The following ERI3 variants were observed in gnomAD, a reference collection of about 807,000 sequenced individuals.
ERI3 encodes ERI1 exoribonuclease 3.
A neutral mutation model predicts 44.4 loss-of-function variants in ERI3; 18 were observed. The observed-to-expected ratio is 0.41, with a 90% CI of 0.28 to 0.60. The LOEUF (loss-of-function observed/expected upper bound fraction) is 0.60, where lower values mean the gene tolerates loss of function less well. ERI3 is among the 20% of genes least tolerant of loss of function. ERI3 has a pLI of 0.36. For missense variants in ERI3, 294 were observed against 435.5 expected, an observed-to-expected ratio of 0.68 and a Z score of 2.89; for synonymous variants, 183 against 164.8, an observed-to-expected ratio of 1.11 and a Z score of -0.84.
At chr1:44,261,076 T>A (rs1215682076) in intron 7 of ERI3, among the ~76,000 whole-genome samples, 2 of 152,220 alleles carry the variant, frequency 1.3e-5, no homozygotes, top group African/African-American at 4.8e-5. Flanking sequence ...TAGCCTGAAG[T>A]CTAGGTCCCC....
intron 2 of ERI3, among the ~76,000 whole-genome samples, chr1:44,344,300 T>G (rs949583910): frequency 6.6e-6 from 1 of 152,064 alleles, no homozygotes; most frequent in African/African-American, 2.4e-5. Flanking sequence ...AAAATCCATG[T>G]GCAATGTGGT....
At chr1:44,233,308 T>C (rs1644228213) in intron 8 of ERI3, among the ~76,000 whole-genome samples, 1 of 151,456 alleles carries the variant, frequency 6.6e-6, no homozygotes, top group African/African-American at 2.4e-5. Context: ...AACAATCTTA[T>C]CTCCTACTCC....
At chr1:44,225,217 T>C (rs1299836971) in intron 8 of ERI3, among the ~76,000 whole-genome samples, 2 of 152,126 alleles carry the variant, frequency 1.3e-5, no homozygotes, top group South Asian at 2.1e-4. Flanking sequence ...GAGCACAGCC[T>C]TGCACCCACA....
intron 6 of ERI3, among the ~76,000 whole-genome samples, chr1:44,299,059 AT>A (rs1645669320): frequency 6.6e-6 from 1 of 152,236 alleles, no homozygotes; most frequent in Non-Finnish European, 1.5e-5. Context: ...ACTTTCTGGG[AT>A]GATGAAAAAG....
At chr1:44,348,990 A>G (rs1175671102) in intron 2 of ERI3, among the ~76,000 whole-genome samples, 2 of 152,218 alleles carry the variant, frequency 1.3e-5, no homozygotes, top group Non-Finnish European at 2.9e-5. Context: ...CACTTTACAA[A>G]GATGTAAGGC....
intron 8 of ERI3, among the ~76,000 whole-genome samples, chr1:44,234,781 T>C (rs1644266091): frequency 6.6e-6 from 1 of 152,092 alleles, no homozygotes; most frequent in Non-Finnish European, 1.5e-5. Context: ...TTTCTTTCTG[T>C]TGCCCAGGCT....
chr1:44,260,078 G>A (rs1477494320), intron 7 of ERI3, among the ~76,000 whole-genome samples: 2 of 152,112 alleles, frequency 1.3e-5, no homozygotes, highest in Non-Finnish European at 2.9e-5. Flanking sequence ...AAGTACACAA[G>A]CATTCATTCA....
rs567614357 is a variant in ERI3, at chr1:44,288,139, C to T, written c.759-3232G>A. On this transcript the variant is annotated intron_variant, in intron 6 of 8. Coordinates refer to ENST00000372257, the MANE Select transcript of ERI3 (RefSeq NM_024066.3). ...GAAGACCTATCCCAGAGGGGCCACA[C>T]TGAGGACAGACCAGACAGTCAGGTT... Among the ~76,000 whole-genome samples, 227 of 99,200 alleles carry T rather than the reference C, an allele frequency of 2.3e-3. 4 individuals carry two copies. The highest frequency in any genetic ancestry group is 6.2e-3 in the African/African-American group (217 of 35,134). 65.1% of individuals were successfully genotyped at this position (99,200 alleles called of 152,430 possible).
chr1:44,323,563 C>G (rs1646246714), intron 3 of ERI3, among the ~76,000 whole-genome samples: 1 of 152,212 alleles, frequency 6.6e-6, no homozygotes, highest in Admixed American at 6.5e-5. Flanking sequence ...GGTGGCTCCT[C>G]TCTCTGAGAT....
At chr1:44,354,122 T>C in intron 1 of ERI3, 1 of 985,448 alleles carries the variant, frequency 1.0e-6, no homozygotes, top group Non-Finnish European at 1.2e-6. Flanking sequence ...AACTCTACAA[T>C]CAAAACTCAT....
At chr1:44,234,030 CT>C (rs1478338935) in intron 8 of ERI3, among the ~76,000 whole-genome samples, 2 of 152,160 alleles carry the variant, frequency 1.3e-5, no homozygotes, top group African/African-American at 4.8e-5. Context: ...CCCACTCTCA[CT>C]TTTCATGCAA....
Position 44,281,639 on chromosome 1 carries a change from C to T in ERI3, c.831+3196G>A, listed in dbSNP as rs190075769. 3.1e-3 allele frequency among the ~76,000 whole-genome samples: 444 copies of T among 141,700 alleles called. 3 individuals are homozygous for T. The highest frequency in any genetic ancestry group is 0.011 in the African/African-American group (416 of 38,034). 93.0% of individuals were successfully genotyped at this position (141,700 alleles called of 152,430 possible). ...ATATATAATATATATATTCATTTAT[C>T]GATGAAGAGATATATATATGTTTAC... On this transcript the variant is annotated intron_variant, in intron 7 of 8. Coordinates refer to ENST00000372257, the MANE Select transcript of ERI3 (RefSeq NM_024066.3).
At position 44,355,139 on chromosome 1, in the gene ERI3, C is replaced by T. The variant is rs1490310758; in HGVS notation, c.-113G>A. 8.1e-7 allele frequency: 1 copy of T among 1,227,268 alleles called. No homozygotes were observed. Among genetic ancestry groups the T allele is most frequent in the Non-Finnish European group, 1.0e-6 (1 of 980,668 alleles). The allele number at this position is 1,227,268 out of a possible 1,614,324, so 76.0% of individuals were successfully genotyped here. ...GCAGTTGGCGGCGGCGGGCGCGGCC[C>T]GCGCCGACTGCGGCGCCGGCCAGGC... is the stretch of plus-strand genomic sequence containing the variant. On this transcript the variant is annotated 5_prime_UTR_variant, in exon 1 of 9. Coordinates refer to ENST00000372257, the MANE Select transcript of ERI3 (RefSeq NM_024066.3).
At chr1:44,223,317 T>A (rs1346140465) in intron 8 of ERI3, among the ~76,000 whole-genome samples, 1 of 150,900 alleles carries the variant, frequency 6.6e-6, no homozygotes, top group East Asian at 1.9e-4. Flanking sequence ...TTGGGGGTAG[T>A]GGGTGGAGGA....
At chr1:44,324,616 G>T (rs1404644329) in intron 3 of ERI3, among the ~76,000 whole-genome samples, 1 of 151,732 alleles carries the variant, frequency 6.6e-6, no homozygotes, top group African/African-American at 2.4e-5. Context: ...CGAGTAGCTG[G>T]GACTACAGGA....
chr1:44,302,832 A>G (rs1198941879), intron 6 of ERI3, among the ~76,000 whole-genome samples: 3 of 152,184 alleles, frequency 2.0e-5, no homozygotes, highest in African/African-American at 7.2e-5. Context: ...CGTTAAACAC[A>G]TGGTTCTAGA....
At chr1:44,234,420 T>C (rs1199125639) in intron 8 of ERI3, among the ~76,000 whole-genome samples, 2 of 151,778 alleles carry the variant, frequency 1.3e-5, no homozygotes, top group Non-Finnish European at 2.9e-5. Flanking sequence ...TCCCAGCACT[T>C]TGGGAGGCTG....
At chr1:44,333,380 G>T (rs1646470512) in intron 3 of ERI3, among the ~76,000 whole-genome samples, 1 of 152,226 alleles carries the variant, frequency 6.6e-6, no homozygotes, top group East Asian at 1.9e-4. Context: ...ACAGACAGAG[G>T]GACCACAATC....
chr1:44,245,241 C>T (rs184626289), intron 8 of ERI3, among the ~76,000 whole-genome samples: 71 of 152,308 alleles, frequency 4.7e-4, no homozygotes, highest in Admixed American at 4.6e-3. Context: ...CCCACGCCTC[C>T]CCTTCCCCGC....
Sources: allele counts gnomAD v4.1 joint callset (sites outside exome capture counted in the v4.1 genomes callset), GRCh38; gene constraint gnomAD v4.1.1; transcripts MANE v1.5; gene names NCBI Gene and HGNC (gene_info 2026-07-23, HGNC 2026-07-21).